The following MYO3B variants were observed in gnomAD, a reference collection of about 807,000 sequenced individuals.
The protein encoded by MYO3B is myosin-IIIb.
In MYO3B, 156 loss-of-function variants were observed where a neutral mutation model predicts 174.6. That is an observed-to-expected ratio of 0.89 (90% confidence interval 0.78 to 1.02). MYO3B has a LOEUF of 1.02. Among genes scored for constraint, MYO3B ranks in the 50% least tolerant of loss-of-function variants. The pLI, the probability that MYO3B is intolerant of heterozygous loss-of-function variation, is 0.00. For missense variants in MYO3B, 1,632 were observed against 1,639.4 expected, an observed-to-expected ratio of 1.00 and a Z score of 0.08; for synonymous variants, 563 against 569.1, an observed-to-expected ratio of 0.99 and a Z score of 0.15.
At chr2:170,385,035 T>C (rs1282649000) in intron 12 of MYO3B, among the ~76,000 whole-genome samples, 1 of 152,136 alleles carries the variant, frequency 6.6e-6, no homozygotes, top group African/African-American at 2.4e-5. Flanking sequence ...GAAAACACTT[T>C]ACTTACATTT....
rs569049803 is a variant in MYO3B, at chr2:170,275,864, A to G, written c.749+39728A>G. Reference sequence around the variant, plus strand: ...GTTCACACAGAAAAAAACAAAATAAAAACAAGCAACTCTTAGTGATTCTGC... The same window carrying G: ...GTTCACACAGAAAAAAACAAAATAAGAACAAGCAACTCTTAGTGATTCTGC... On this transcript the variant is annotated intron_variant, in intron 7 of 34. Coordinates refer to ENST00000408978, the MANE Select transcript of MYO3B (RefSeq NM_138995.5). Among the ~76,000 whole-genome samples the G allele has an allele frequency of 1.1e-4, 16 of 152,328 alleles. 2 individuals carry two copies. The highest frequency in any genetic ancestry group is 3.8e-4 in the African/African-American group (16 of 41,586).
intron 8 of MYO3B, among the ~76,000 whole-genome samples, chr2:170,363,260 C>G (rs2094174850): frequency 6.6e-6 from 1 of 152,040 alleles, no homozygotes; most frequent in African/African-American, 2.4e-5. Flanking sequence ...AGTTTTGCCC[C>G]AATGTATGGA....
At chr2:170,295,547 T>G (rs886628274) in intron 7 of MYO3B, among the ~76,000 whole-genome samples, 1 of 152,112 alleles carries the variant, frequency 6.6e-6, no homozygotes, top group Non-Finnish European at 1.5e-5. Flanking sequence ...AATCTCTCAA[T>G]TCATCCATGT....
In MYO3B at chr2:170,506,482, A is replaced by G. The variant is rs983405705; in HGVS notation, c.3370+4617A>G. 7.9e-5 allele frequency among the ~76,000 whole-genome samples: 12 copies of G among 152,290 alleles called. No individual in the cohort carries two copies. The South Asian group carries it at 1.0e-3, about 13-fold the overall frequency. ...ATATTTAAACTGGGATATTTCTTTCATTCACTTACTTAACTACTATTTGTT... is the reference window on the plus strand; with the variant it reads ...ATATTTAAACTGGGATATTTCTTTCGTTCACTTACTTAACTACTATTTGTT... On this transcript the variant is annotated intron_variant, in intron 28 of 34. Coordinates refer to ENST00000408978, the MANE Select transcript of MYO3B (RefSeq NM_138995.5).
intron 23 of MYO3B, among the ~76,000 whole-genome samples, chr2:170,453,558 C>G (rs1037413648): frequency 2.0e-5 from 3 of 151,990 alleles, no homozygotes; most frequent in African/African-American, 7.2e-5. Flanking sequence ...TTTCTGGGCT[C>G]CCTTTCTCTG....
Position 170,581,855 on chromosome 2 carries a change from T to C in MYO3B, c.3733+37867T>C, listed in dbSNP as rs543847902. ...TGATGGCATATGTTAATAAGCTATC[T>C]TCTCAGGCAAGATTTTTTCATGGCA... On this transcript the variant is annotated intron_variant, in intron 32 of 34. Coordinates refer to ENST00000408978, the MANE Select transcript of MYO3B (RefSeq NM_138995.5). Among the ~76,000 whole-genome samples the C allele has an allele frequency of 2.6e-5, 4 of 152,322 alleles. No individual in the cohort carries two copies. In the South Asian group the frequency reaches 8.3e-4, roughly 32 times the overall value.
chr2:170,195,113 A>G (rs937212706), intron 1 of MYO3B, among the ~76,000 whole-genome samples: 5 of 151,948 alleles, frequency 3.3e-5, no homozygotes, highest in Non-Finnish European at 7.4e-5. Flanking sequence ...TCCTTTTGCA[A>G]CACCCTCACA....
intron 7 of MYO3B, among the ~76,000 whole-genome samples, chr2:170,272,764 T>A (rs2093434658): frequency 6.6e-6 from 1 of 152,188 alleles, no homozygotes; most frequent in African/African-American, 2.4e-5. Context: ...AAGGACAAGT[T>A]TGGCCCTTTT....
chr2:170,346,851 T>C (rs59859861), intron 8 of MYO3B, among the ~76,000 whole-genome samples: 1,800 of 152,312 alleles, frequency 0.012, 40 homozygotes, highest in African/African-American at 0.04. Flanking sequence ...CCTGCAATGC[T>C]GTGTTAAGGA....
chr2:170,255,026 C>A (rs2093292052), intron 7 of MYO3B, among the ~76,000 whole-genome samples: 1 of 152,176 alleles, frequency 6.6e-6, no homozygotes, highest in Admixed American at 6.5e-5. Flanking sequence ...AAGCCCCAGG[C>A]CACAGGTGCC....
chr2:170,466,451 A>G (rs574469064), intron 24 of MYO3B, 55 bp from the exon 25 acceptor site: 1 of 1,548,714 alleles, frequency 6.5e-7, no homozygotes, highest in African/African-American at 1.4e-5. Flanking sequence ...CTGTGTTGTA[A>G]CTATCCATTG....
intron 32 of MYO3B, among the ~76,000 whole-genome samples, chr2:170,631,995 G>C (rs960427054): frequency 2.6e-5 from 4 of 152,126 alleles, no homozygotes; most frequent in Middle Eastern, 3.2e-3. Context: ...AAGCAAGTCT[G>C]AGAGACCCAC....
chr2:170,241,552 G>A (rs1034796948), intron 7 of MYO3B, among the ~76,000 whole-genome samples: 34 of 152,282 alleles, frequency 2.2e-4, no homozygotes, highest in African/African-American at 7.7e-4. Context: ...TTGCTGTCAA[G>A]GAGCACATCA....
chr2:170,407,675 G>C (rs898181236), intron 21 of MYO3B, 40 bp from the exon 22 acceptor site: 2 of 1,611,320 alleles, frequency 1.2e-6, no homozygotes, highest in African/African-American at 2.7e-5. Context: ...ATGACGGACA[G>C]TTGACTTGGC....
chr2:170,558,336 C>T (rs1371660282), intron 32 of MYO3B, among the ~76,000 whole-genome samples: 1 of 151,616 alleles, frequency 6.6e-6, no homozygotes, highest in Non-Finnish European at 1.5e-5. Flanking sequence ...CGAAAATGGA[C>T]AGTATAATAA....
At chr2:170,197,966 A>C (rs1003288833) in intron 1 of MYO3B, among the ~76,000 whole-genome samples, 2 of 152,142 alleles carry the variant, frequency 1.3e-5, no homozygotes, top group African/African-American at 4.8e-5. Context: ...CACACGTCAG[A>C]CTGAGCATGT....
intron 32 of MYO3B, among the ~76,000 whole-genome samples, chr2:170,651,159 T>C (rs1356124519): frequency 6.6e-6 from 1 of 152,152 alleles, no homozygotes; most frequent in Non-Finnish European, 1.5e-5. Flanking sequence ...CTCAAGCCAT[T>C]TCCCCCCCGA....
chr2:170,305,991 A>T (rs2093698368), intron 7 of MYO3B, among the ~76,000 whole-genome samples: 1 of 152,248 alleles, frequency 6.6e-6, no homozygotes, highest in South Asian at 2.1e-4. Flanking sequence ...CTTTTATTTT[A>T]CATGATATGA....
In MYO3B at chr2:170,199,362, G is replaced by C; in HGVS notation, c.157G>C (p.Ala53Pro). Reference protein sequence around the residue: ...KVTNKRDGSLAAVKILDPVSD... With the variant: ...KVTNKRDGSLPAVKILDPVSD... ...AACTAACAAGAGAGATGGGAGCCTG[G>C]CTGCAGTGAAAATTCTGGATCCAGT... The change falls in exon 2 of 35, where the codon GCT (alanine) becomes CCT (proline). Residue 53 changes from alanine (A) to proline (P), a missense_variant. Physicochemically the swap from Ala to Pro is conservative, Grantham distance 27. Transcript: ENST00000408978. 6.2e-7 allele frequency: 1 copy of C among 1,611,644 alleles called. No individual in the cohort carries two copies. The highest frequency in any genetic ancestry group is 8.5e-7 in the Non-Finnish European group (1 of 1,179,008).
Sources: gnomAD v4.1 joint callset for allele counts (sites outside exome capture counted in the v4.1 genomes callset) on GRCh38, gnomAD v4.1.1 for gene constraint, MANE v1.5 for transcripts, NCBI Gene and HGNC (gene_info 2026-07-23, HGNC 2026-07-21) for gene names.